The following COL6A6 variants were observed in gnomAD, a reference collection of about 807,000 sequenced individuals.
The protein encoded by COL6A6 is collagen alpha-6(VI) chain.
In COL6A6, 183 loss-of-function variants were observed where a neutral mutation model predicts 208.6. The ratio of observed to expected loss-of-function variants is 0.88; its 90% CI spans 0.78 to 0.99. The LOEUF (loss-of-function observed/expected upper bound fraction) is 0.99. Ranked by LOEUF, COL6A6 falls within the 50% of genes least tolerant of loss-of-function variation. COL6A6 has a pLI of 0.00. For missense variants in COL6A6, 2,816 were observed against 2,815.2 expected, an observed-to-expected ratio of 1.00 and a Z score of -0.01; for synonymous variants, 973 against 1,011.8, an observed-to-expected ratio of 0.96 and a Z score of 0.73.
At chr3:130,644,956 A>G in intron 31 of COL6A6, 35 bp from the exon 32 acceptor site, 1 of 1,603,604 alleles carries the variant, frequency 6.2e-7, no homozygotes, top group African/African-American at 1.3e-5. Flanking sequence ...CTCCTACCAA[A>G]TAATAATCCA....
intron 36 of COL6A6, among the ~76,000 whole-genome samples, chr3:130,672,852 T>C (rs2066253559): frequency 6.6e-6 from 1 of 150,614 alleles, no homozygotes; most frequent in South Asian, 2.1e-4. Flanking sequence ...CTACTAAAAA[T>C]ACAAAAATTA....
At chr3:130,522,666 T>C (rs1711139506) in intron 1 of COL6A6, among the ~76,000 whole-genome samples, 1 of 152,044 alleles carries the variant, frequency 6.6e-6, no homozygotes, top group Admixed American at 6.6e-5. Flanking sequence ...ATGGTACTCA[T>C]TATCTTCCCC....
intron 24 of COL6A6, among the ~76,000 whole-genome samples, chr3:130,624,690 G>A (rs1488131069): frequency 6.6e-6 from 1 of 152,126 alleles, no homozygotes; most frequent in Non-Finnish European, 1.5e-5. Context: ...ACAGGAGCAG[G>A]GCAGTTGTGC....
rs6775996 is a variant in COL6A6, at chr3:130,569,127, C to T, written c.2401+523C>T. Reference sequence around the variant, plus strand: ...GGCTACATGTGGGTTGCTGAGGCAGCCCTGGCATTTATCCTCCTGGGCAAG... The same window carrying T: ...GGCTACATGTGGGTTGCTGAGGCAGTCCTGGCATTTATCCTCCTGGGCAAG... On this transcript the variant is annotated intron_variant, in intron 6 of 36. Transcript: ENST00000358511. 2.0e-5 allele frequency among the ~76,000 whole-genome samples: 3 copies of T among 152,356 alleles called. No homozygotes were observed. In the East Asian group the frequency reaches 5.8e-4, roughly 29 times the overall value.
chr3:130,635,820 T>C, intron 28 of COL6A6, 59 bp downstream of exon 28: 13 of 1,234,312 alleles, frequency 1.1e-5, no homozygotes, highest in Non-Finnish European at 1.5e-5. Context: ...TCCTCCTTTG[T>C]GCATTTACAA....
chr3:130,623,839 CAATG>C (rs2064808399), intron 24 of COL6A6, among the ~76,000 whole-genome samples: 1 of 151,740 alleles, frequency 6.6e-6, no homozygotes, highest in South Asian at 2.1e-4. Context: ...GGAAACAAGA[CAATG>C]AATTATTAGG....
At chr3:130,549,978 T>C (rs2062606493) in intron 1 of COL6A6, among the ~76,000 whole-genome samples, 2 of 152,222 alleles carry the variant, frequency 1.3e-5, no homozygotes, top group Admixed American at 1.3e-4. Context: ...GTTTGTGTCA[T>C]CTCTGATTTA....
intron 34 of COL6A6, among the ~76,000 whole-genome samples, chr3:130,659,991 T>C (rs2065898139): frequency 6.6e-6 from 1 of 152,216 alleles, no homozygotes; most frequent in African/African-American, 2.4e-5. Flanking sequence ...CTCAGAACAG[T>C]TAAAGTGCTT....
intron 33 of COL6A6, among the ~76,000 whole-genome samples, chr3:130,657,848 G>A (rs1448352049): frequency 2.0e-5 from 3 of 152,168 alleles, no homozygotes; most frequent in African/African-American, 7.2e-5. Context: ...GAGAATCACA[G>A]GGAAAAACTA....
At chr3:130,634,209 A>AT (rs1559769357) in intron 26 of COL6A6, among the ~76,000 whole-genome samples, 35 of 58,416 alleles carry the variant, frequency 6.0e-4, no homozygotes, top group South Asian at 1.6e-3. Flanking sequence ...TGTTAAAAAA[A>AT]AAAATAAATA....
Position 130,568,609 on chromosome 3 carries a change from G to T in COL6A6, c.2401+5G>T, listed in dbSNP as rs755573018. 1 of 1,589,876 alleles carries T rather than the reference G, an allele frequency of 6.3e-7. No homozygotes were observed. Among genetic ancestry groups the T allele is most frequent in the East Asian group, 2.2e-5 (1 of 44,848 alleles). ...GAATATGCAGCCCCCGTGAAGGTAG[G>T]CATGGGCATACTCACTAGCAGGACT... On this transcript the variant is annotated splice_donor_5th_base_variant and intron_variant, in intron 6 of 36. Transcript: ENST00000358511.
intron 20 of COL6A6, among the ~76,000 whole-genome samples, 161 bp from the exon 21 acceptor site, chr3:130,606,770 C>T (rs2064194046): frequency 6.6e-6 from 1 of 152,068 alleles, no homozygotes; most frequent in South Asian, 2.1e-4. Context: ...TTAGATTTAG[C>T]AGTATTTTGC....
intron 29 of COL6A6, 88 bp from the exon 30 acceptor site, chr3:130,642,744 A>G (rs941217291): frequency 3.4e-5 from 41 of 1,189,978 alleles, no homozygotes; most frequent in Non-Finnish European, 4.3e-5. Flanking sequence ...TTTAAAAGTT[A>G]TCACTTTCTG....
At chr3:130,553,823 G>GT (rs1463577391) in intron 1 of COL6A6, among the ~76,000 whole-genome samples, 4 of 147,420 alleles carry the variant, frequency 2.7e-5, no homozygotes, top group Non-Finnish European at 4.5e-5. Context: ...CTTTGAATGG[G>GT]TGTTGCGGTG....
intron 33 of COL6A6, among the ~76,000 whole-genome samples, chr3:130,650,816 G>T (rs924050575): frequency 1.3e-5 from 2 of 152,088 alleles, no homozygotes; most frequent in African/African-American, 4.8e-5. Context: ...TTTTTGAAAG[G>T]CAATGTTGAT....
chr3:130,673,898 A>C (rs1038404438), intron 36 of COL6A6, among the ~76,000 whole-genome samples: 1 of 152,160 alleles, frequency 6.6e-6, no homozygotes, highest in African/African-American at 2.4e-5. Context: ...TCTGGGCTGC[A>C]GTAAGCTATG....
In COL6A6 at chr3:130,649,253, C is replaced by G. The variant is rs1013008709; in HGVS notation, c.5424C>G (p.His1808Gln). 1.3e-6 allele frequency: 2 copies of G among 1,596,772 alleles called. No homozygotes were observed. Among genetic ancestry groups the G allele is most frequent in the Non-Finnish European group, 1.7e-6 (2 of 1,171,822 alleles). The change falls in exon 33 of 37, where the codon CAC (histidine) becomes CAG (glutamine). Residue 1808 changes from histidine to glutamine, a missense_variant. By Grantham distance (24) the His-to-Gln change is conservative. Coordinates refer to ENST00000358511, the MANE Select transcript of COL6A6 (RefSeq NM_001102608.3). The part of the protein sequence containing the change: ...AHIAILSYNS[H>Q]ARHLVRFSDA... ...TCGCCATCCTCTCCTATAACTCCCA[C>G]GCCAGGCACCTTGTGCGCTTCTCAG...
At chr3:130,598,474 G>T (rs368464036) in intron 19 of COL6A6, 44 bp downstream of exon 19, 3 of 1,300,004 alleles carry the variant, frequency 2.3e-6, no homozygotes, top group African/African-American at 3.0e-5. Flanking sequence ...CAACTGTGGG[G>T]CTTAAGTTCT....
intron 23 of COL6A6, among the ~76,000 whole-genome samples, chr3:130,619,832 G>T (rs1347419450): frequency 6.6e-6 from 1 of 152,112 alleles, no homozygotes; most frequent in Non-Finnish European, 1.5e-5. Flanking sequence ...GTAGTAAAGG[G>T]TGATACTATT....
Sources: gnomAD v4.1 joint callset for allele counts (sites outside exome capture counted in the v4.1 genomes callset) on GRCh38, gnomAD v4.1.1 for gene constraint, MANE v1.5 for transcripts, NCBI Gene and HGNC (gene_info 2026-07-23, HGNC 2026-07-21) for gene names.